The following SKAP1 variants were observed in gnomAD, a reference collection of about 807,000 sequenced individuals.
SKAP1 encodes the protein src kinase-associated phosphoprotein 1.
In SKAP1, 44 loss-of-function variants were observed where a neutral mutation model predicts 58.5. The ratio of observed to expected loss-of-function variants is 0.75; its 90% CI spans 0.59 to 0.97. The LOEUF (loss-of-function observed/expected upper bound fraction) is 0.97, where lower values mean the gene tolerates loss of function less well. Among genes scored for constraint, SKAP1 ranks in the 50% least tolerant of loss-of-function variants. The probability of loss-of-function intolerance (pLI) is 0.00; values close to 1 mark genes in which losing one functional copy is unlikely to be tolerated. For missense variants in SKAP1, 390 were observed against 435.2 expected, an observed-to-expected ratio of 0.90 and a Z score of 0.92; for synonymous variants, 127 against 149.7, an observed-to-expected ratio of 0.85 and a Z score of 1.11.
At chr17:48,218,367 C>A (rs2064964607) in intron 4 of SKAP1, among the ~76,000 whole-genome samples, 1 of 152,196 alleles carries the variant, frequency 6.6e-6, no homozygotes, top group Non-Finnish European at 1.5e-5. Context: ...TTTACAACCT[C>A]TCTTTGCCTG....
chr17:48,374,206 TG>T (rs112235328), intron 2 of SKAP1, among the ~76,000 whole-genome samples: 45,985 of 135,146 alleles, frequency 0.34, 8,076 homozygotes, highest in African/African-American at 0.48. Context: ...GGCTAATTTT[TG>T]TTTTTTTTTT....
intron 11 of SKAP1, among the ~76,000 whole-genome samples, chr17:48,157,169 T>C (rs1436416072): frequency 1.3e-5 from 2 of 152,080 alleles, no homozygotes; most frequent in African/African-American, 4.8e-5. Flanking sequence ...AACCCGTCTG[T>C]TACAGGCACT....
chr17:48,203,796 C>A (rs1361441451), intron 4 of SKAP1: 1 of 152,160 alleles, frequency 6.6e-6, no homozygotes, highest in African/African-American at 2.4e-5. Context: ...TTTTGAAAAG[C>A]CACTTCTAAT....
chr17:48,336,323 C>T (rs1044029543), intron 4 of SKAP1, among the ~76,000 whole-genome samples: 10 of 152,090 alleles, frequency 6.6e-5, no homozygotes, highest in African/African-American at 2.2e-4. Flanking sequence ...GAGCACTCCC[C>T]TCCCCATAGG....
chr17:48,440,416 T>G, the SKAP1 span, among the ~76,000 whole-genome samples: 878 of 152,294 alleles, frequency 5.8e-3, 3 homozygotes, highest in African/African-American at 0.017. Flanking sequence ...AACAGTCATA[T>G]CAATATCTGG....
chr17:48,437,219 C>T, the SKAP1 span, among the ~76,000 whole-genome samples: 3 of 152,180 alleles, frequency 2.0e-5, no homozygotes, highest in Non-Finnish European at 2.9e-5. Flanking sequence ...TTTCCTCTCT[C>T]CTTAATTATT....
chr17:48,383,506 C>T (rs71377360), intron 2 of SKAP1, among the ~76,000 whole-genome samples: 3,791 of 152,060 alleles, frequency 0.025, 174 homozygotes, highest in African/African-American at 0.087. Flanking sequence ...CTATATTTTA[C>T]AAGGCTCAAA....
chr17:48,340,712 AAC>A (rs1251765648), intron 4 of SKAP1, among the ~76,000 whole-genome samples: 5 of 152,298 alleles, frequency 3.3e-5, no homozygotes, highest in African/African-American at 9.6e-5. Flanking sequence ...CTAGAACGTA[AAC>A]ACAAAAAATG....
At chr17:48,392,265 GC>G (rs2067358742) in intron 2 of SKAP1, among the ~76,000 whole-genome samples, 1 of 152,180 alleles carries the variant, frequency 6.6e-6, no homozygotes, top group South Asian at 2.1e-4. Flanking sequence ...CTATAGGTTA[GC>G]CACCCACAAA....
At chr17:48,258,053 T>C (rs1412420057) in intron 4 of SKAP1, among the ~76,000 whole-genome samples, 2 of 152,178 alleles carry the variant, frequency 1.3e-5, no homozygotes, top group East Asian at 3.9e-4. Flanking sequence ...GCTCGCATCA[T>C]GACACACTAG....
chr17:48,418,372 ATATC>A (rs1231928411), intron 1 of SKAP1, among the ~76,000 whole-genome samples: 1 of 152,142 alleles, frequency 6.6e-6, no homozygotes, highest in African/African-American at 2.4e-5. Context: ...CAATAAAAAT[ATATC>A]TATCAATTAT....
chr17:48,177,334 C>T (rs551535975), intron 9 of SKAP1, among the ~76,000 whole-genome samples: 60 of 152,342 alleles, frequency 3.9e-4, no homozygotes, highest in African/African-American at 1.3e-3. Context: ...TTACTGAGTA[C>T]TCACTGTATG....
intron 4 of SKAP1, among the ~76,000 whole-genome samples, chr17:48,298,082 A>G (rs914342529): frequency 2.6e-5 from 4 of 152,190 alleles, no homozygotes; most frequent in Non-Finnish European, 4.4e-5. Flanking sequence ...TCTTGATTCC[A>G]GACTCTTTCC....
Position 48,180,106 on chromosome 17 carries a change from T to C in SKAP1, c.774A>G (p.Ile258Met). The change falls in exon 9 of 13, where the codon ATA (isoleucine) becomes ATG (methionine). Residue 258 changes from isoleucine to methionine, a missense_variant. Physicochemically the swap from Ile to Met is conservative, Grantham distance 10. Coordinates refer to ENST00000336915, the MANE Select transcript of SKAP1 (RefSeq NM_003726.4). ...CTTCTTTCTCCTCTGTAGGCTCTTT[T>C]ATCCCCACACTCCCAGGCAAGATAG... ...RPTILPGSVG[I>M]KEPTEEKEEE... 6.2e-7 allele frequency: 1 copy of C among 1,612,556 alleles called. No individual in the cohort carries two copies. The highest frequency in any genetic ancestry group is 1.3e-5 in the African/African-American group (1 of 74,946).
chr17:48,384,704 C>T (rs1054394660), intron 2 of SKAP1, among the ~76,000 whole-genome samples: 8 of 152,176 alleles, frequency 5.3e-5, no homozygotes, highest in Admixed American at 5.2e-4. Context: ...AGCAGAATGG[C>T]TTATAGATCA....
intron 4 of SKAP1, among the ~76,000 whole-genome samples, chr17:48,332,662 T>C (rs1200716088): frequency 2.6e-5 from 4 of 152,168 alleles, no homozygotes; most frequent in Admixed American, 1.3e-4. Context: ...GTAAATATTA[T>C]AGAATATATC....
At chr17:48,259,963 A>C (rs2065467448) in intron 4 of SKAP1, among the ~76,000 whole-genome samples, 1 of 152,172 alleles carries the variant, frequency 6.6e-6, no homozygotes, top group African/African-American at 2.4e-5. Flanking sequence ...CCTTAAAAAC[A>C]AGTTAAAAAC....
chr17:48,219,964 C>T lies in SKAP1; in HGVS notation c.281-30464G>A, dbSNP rs548925693. Among the ~76,000 whole-genome samples the T allele has an allele frequency of 9.3e-4, 141 of 152,346 alleles. 1 individual carries two copies. The highest frequency in any genetic ancestry group is 1.5e-3 in the East Asian group (8 of 5,192). On this transcript the variant is annotated intron_variant, in intron 4 of 12. Transcript: ENST00000336915. ...AAGGATATTTTCAGAGACCTAATCC[C>T]TCCAGGCAGCTGGTTTATTTCAATT... is the stretch of plus-strand genomic sequence containing the variant.
intron 2 of SKAP1, among the ~76,000 whole-genome samples, chr17:48,395,970 TA>T (rs2067413509): frequency 6.6e-6 from 1 of 152,254 alleles, no homozygotes; most frequent in African/African-American, 2.4e-5. Flanking sequence ...ATATTCAGTT[TA>T]AACATTCTGA....
Sources: gnomAD v4.1 joint callset for allele counts (sites outside exome capture counted in the v4.1 genomes callset) on GRCh38, gnomAD v4.1.1 for gene constraint, MANE v1.5 for transcripts, NCBI Gene and HGNC (gene_info 2026-07-23, HGNC 2026-07-21) for gene names.